Variants in ATRNL1 observed in about 807,000 individuals in gnomAD.
The protein encoded by ATRNL1 is attractin-like protein 1.
A neutral mutation model predicts 182.7 loss-of-function variants in ATRNL1; 95 were observed. That is an observed-to-expected ratio of 0.52 (90% CI 0.44 to 0.62). The LOEUF is 0.62. Among genes scored for constraint, ATRNL1 ranks in the 20% least tolerant of loss-of-function variants. ATRNL1 has a pLI of 0.00. For synonymous variants in ATRNL1, 576 were observed against 568.3 expected (o/e 1.01, Z -0.19); for missense variants, 1,471 against 1,679.5 (o/e 0.88, Z 2.17).
chr10:115,840,567 T>G (rs782495530), intron 27 of ATRNL1, among the ~76,000 whole-genome samples: 1 of 151,944 alleles, frequency 6.6e-6, no homozygotes, highest in Non-Finnish European at 1.5e-5. Flanking sequence ...CACAGGGAGG[T>G]TAAGTGCTTT....
chr10:115,152,702 C>T (rs1846296006), intron 5 of ATRNL1, among the ~76,000 whole-genome samples: 1 of 152,050 alleles, frequency 6.6e-6, no homozygotes, highest in African/African-American at 2.4e-5. Flanking sequence ...TGAATACCCT[C>T]TATTTCTTTC....
chr10:115,523,923 G>C (rs1554985913), intron 25 of ATRNL1, among the ~76,000 whole-genome samples: 1 of 152,190 alleles, frequency 6.6e-6, no homozygotes, highest in Non-Finnish European at 1.5e-5. Flanking sequence ...CTGAGGCTGA[G>C]TAATACATAA....
intron 26 of ATRNL1, among the ~76,000 whole-genome samples, chr10:115,697,310 T>C (rs782147842): frequency 6.6e-6 from 1 of 152,034 alleles, no homozygotes; most frequent in Non-Finnish European, 1.5e-5. Context: ...AATATCACAG[T>C]TGGAATTTAT....
rs189448635 is a variant in ATRNL1 at position 115,647,225 on chromosome 10, G to A, written c.3796-80023G>A. Among the ~76,000 whole-genome samples the A allele has an allele frequency of 4.0e-3, 602 of 152,146 alleles. 2 individuals carry two copies. The highest frequency in any genetic ancestry group is 0.012 in the African/African-American group (518 of 41,516). ...TGGTGGACATTTGGGTTGGTTCCAA[G>A]TCTTTGCTATTGTGAATAGTGCCAC... On this transcript the variant is annotated intron_variant, in intron 26 of 28. Transcript: ENST00000355044.
At chr10:115,801,843 C>A (rs1231238120) in intron 27 of ATRNL1, among the ~76,000 whole-genome samples, 1 of 152,064 alleles carries the variant, frequency 6.6e-6, no homozygotes, top group East Asian at 1.9e-4. Flanking sequence ...TCAACTTTCA[C>A]AGTTAGCATC....
At chr10:115,759,445 T>C (rs1188072746) in intron 27 of ATRNL1, among the ~76,000 whole-genome samples, 1 of 152,086 alleles carries the variant, frequency 6.6e-6, no homozygotes, top group Non-Finnish European at 1.5e-5. Context: ...CCATTTGTGA[T>C]AACCAAAAAT....
chr10:115,686,128 G>A (rs961959533), intron 26 of ATRNL1, among the ~76,000 whole-genome samples: 5 of 151,474 alleles, frequency 3.3e-5, no homozygotes, highest in African/African-American at 9.7e-5. Context: ...AAATAGCTTA[G>A]CATTTTATTT....
At chr10:115,740,721 G>A (rs1439343140) in intron 27 of ATRNL1, among the ~76,000 whole-genome samples, 4 of 151,920 alleles carry the variant, frequency 2.6e-5, no homozygotes, top group Admixed American at 1.3e-4. Flanking sequence ...GGCCAGGCTG[G>A]CCTCAAACTC....
At chr10:115,205,371 T>G (rs1174533030) in intron 8 of ATRNL1, among the ~76,000 whole-genome samples, 1 of 152,028 alleles carries the variant, frequency 6.6e-6, no homozygotes, top group Non-Finnish European at 1.5e-5. Context: ...TGCTTGGATT[T>G]AATCATGCTG....
intron 13 of ATRNL1, among the ~76,000 whole-genome samples, chr10:115,275,127 C>A: frequency 6.6e-6 from 1 of 152,210 alleles, no homozygotes; most frequent in Non-Finnish European, 1.5e-5. Context: ...CTTTTCGCTC[C>A]GTAATTGTCC....
chr10:115,935,725 A>G (rs1471789363), intron 28 of ATRNL1, among the ~76,000 whole-genome samples: 1 of 152,234 alleles, frequency 6.6e-6, no homozygotes, highest in Non-Finnish European at 1.5e-5. Context: ...CTAGATAATG[A>G]ATGTAAAAGC....
intron 27 of ATRNL1, among the ~76,000 whole-genome samples, chr10:115,830,247 G>T (rs1252583300): frequency 6.6e-6 from 1 of 152,076 alleles, no homozygotes; most frequent in Non-Finnish European, 1.5e-5. Flanking sequence ...AGAATATGTA[G>T]GAAAAAAATT....
chr10:115,109,897 A>G (rs1246103613), intron 1 of ATRNL1, among the ~76,000 whole-genome samples: 2 of 152,190 alleles, frequency 1.3e-5, no homozygotes, highest in Admixed American at 6.5e-5. Flanking sequence ...ATATTTAGAG[A>G]GTGGTACAAC....
At chr10:115,322,904 T>G (rs896898578) in intron 18 of ATRNL1, among the ~76,000 whole-genome samples, 1 of 152,144 alleles carries the variant, frequency 6.6e-6, no homozygotes, top group Non-Finnish European at 1.5e-5. Context: ...TCTTTCTTCT[T>G]TCAAGATTTT....
intron 5 of ATRNL1, among the ~76,000 whole-genome samples, chr10:115,131,346 A>G (rs1845226456): frequency 6.6e-6 from 1 of 152,074 alleles, no homozygotes; most frequent in South Asian, 2.1e-4. Flanking sequence ...ATTTTATACC[A>G]TTTTCTTAAT....
intron 28 of ATRNL1, among the ~76,000 whole-genome samples, chr10:115,907,605 C>T (rs1229636277): frequency 6.6e-6 from 1 of 152,190 alleles, no homozygotes; most frequent in Non-Finnish European, 1.5e-5. Context: ...TTTCAATACA[C>T]TTGCAGTCTG....
intron 23 of ATRNL1, among the ~76,000 whole-genome samples, chr10:115,467,876 A>T (rs1848125820): frequency 6.6e-6 from 1 of 150,732 alleles, no homozygotes; most frequent in African/African-American, 2.4e-5. Context: ...CTTTTATTCT[A>T]AAAATTTTAT....
chr10:115,641,487 A>T (rs1859244850), intron 26 of ATRNL1, among the ~76,000 whole-genome samples: 2 of 152,176 alleles, frequency 1.3e-5, no homozygotes, highest in Non-Finnish European at 2.9e-5. Flanking sequence ...AAAACCAATC[A>T]TCTTTGTAGA....
intron 8 of ATRNL1, among the ~76,000 whole-genome samples, chr10:115,213,151 G>T (rs947684272): frequency 1.3e-5 from 2 of 151,900 alleles, no homozygotes; most frequent in Admixed American, 1.3e-4. Flanking sequence ...TTTTCTTGTT[G>T]TCGGTATGAC....
Sources: allele counts gnomAD v4.1 joint callset (sites outside exome capture counted in the v4.1 genomes callset), GRCh38; gene constraint gnomAD v4.1.1; transcripts MANE v1.5; gene names NCBI Gene and HGNC (gene_info 2026-07-23, HGNC 2026-07-21).